RSAD2: variants seen among roughly 807,000 people sequenced by gnomAD.
The protein encoded by RSAD2 is S-adenosylmethionine-dependent nucleotide dehydratase RSAD2.
A neutral mutation model predicts 37.7 loss-of-function variants in RSAD2; 38 were observed. The observed-to-expected ratio is 1.01, with a 90% CI of 0.78 to 1.32. The LOEUF (loss-of-function observed/expected upper bound fraction) is 1.32, where lower values mean the gene tolerates loss of function less well. Among genes scored for constraint, RSAD2 ranks in the 40% most tolerant of loss-of-function variants. The probability of loss-of-function intolerance (pLI) is 0.00; values close to 1 mark genes in which losing one functional copy is unlikely to be tolerated. For synonymous variants in RSAD2, 163 were observed against 157.4 expected (o/e 1.04, Z -0.27); for missense variants, 428 against 437.5 (o/e 0.98, Z 0.19).
At chr2:6,895,625 G>A (rs1663758189) in intron 5 of RSAD2, among the ~76,000 whole-genome samples, 153 bp from the exon 6 acceptor site, 1 of 152,190 alleles carries the variant, frequency 6.6e-6, no homozygotes, top group African/African-American at 2.4e-5. Flanking sequence ...GTAGAGAGAT[G>A]GGGTCCAAGG....
At chr2:6,885,155 A>G (rs774643025) in intron 2 of RSAD2, among the ~76,000 whole-genome samples, 13 of 152,156 alleles carry the variant, frequency 8.5e-5, no homozygotes, top group Non-Finnish European at 1.6e-4. Flanking sequence ...GTAAAGACAT[A>G]TATCACCAGA....
intron 1 of RSAD2, among the ~76,000 whole-genome samples, chr2:6,871,008 T>A (rs1234628817): frequency 6.6e-6 from 1 of 152,040 alleles, no homozygotes; most frequent in Non-Finnish European, 1.5e-5. Context: ...TCCTTTAAAA[T>A]TCCAAAACTT....
Position 6,895,879 on chromosome 2 carries a change from G to A in RSAD2, c.1023G>A (p.Lys341=). The part of the protein sequence containing the change: ...EAIKFSGFDE[K]MFLKRGGKYI... ...TAAAATTCAGTGGATTTGATGAAAA[G>A]ATGTTTCTGAAGCGAGGAGGAAAAT... Residue 341 remains lysine (K), a synonymous_variant, in exon 6 of 6, where the codon AAG becomes AAA. Transcript: ENST00000382040. 6.2e-7 allele frequency: 1 copy of A among 1,614,182 alleles called. No homozygotes were observed. The highest frequency in any genetic ancestry group is 8.5e-7 in the Non-Finnish European group (1 of 1,180,012).
intron 5 of RSAD2, 97 bp downstream of exon 5, chr2:6,893,800 T>C (rs144659770): frequency 1.2e-6 from 1 of 818,086 alleles, no homozygotes; most frequent in East Asian, 2.6e-5. Context: ...CTAGTACCTA[T>C]TTGTCCTTCT....
chr2:6,898,150 T>G lies in RSAD2; in HGVS notation c.*2208T>G, dbSNP rs1211748048. On this transcript the variant is annotated 3_prime_UTR_variant, in exon 6 of 6. Coordinates refer to ENST00000382040, the MANE Select transcript of RSAD2 (RefSeq NM_080657.5). ...TTGAATCTTCTGAGTTGGAATGAAT[T>G]TTTTTCTAGCTGAGGGAAACTGTAT... is the stretch of plus-strand genomic sequence containing the variant. The G allele has an allele frequency of 2.6e-5, 4 of 152,164 alleles. No homozygotes were observed. The highest frequency in any genetic ancestry group is 5.9e-5 in the Non-Finnish European group (4 of 68,032). The allele number at this position is 152,164 out of a possible 1,614,324, so 9.4% of individuals were successfully genotyped here. A position where few individuals can be genotyped will look rare whatever the true frequency, so the allele number is the denominator to read the frequency against.
intron 1 of RSAD2, among the ~76,000 whole-genome samples, chr2:6,882,692 G>A (rs1279596641): frequency 1.3e-5 from 2 of 152,156 alleles, no homozygotes; most frequent in Admixed American, 6.5e-5. Flanking sequence ...AGATTCCTAG[G>A]ACACCCGGTC....
chr2:6,888,687 T>C (rs1035913384), intron 3 of RSAD2, among the ~76,000 whole-genome samples: 12 of 152,240 alleles, frequency 7.9e-5, no homozygotes, highest in African/African-American at 2.4e-4. Context: ...TGATTCACTG[T>C]AGATTTGCCA....
chr2:6,867,236 T>A (rs1385146095), intron 1 of RSAD2, among the ~76,000 whole-genome samples: 1 of 152,150 alleles, frequency 6.6e-6, no homozygotes, highest in African/African-American at 2.4e-5. Context: ...AATAGAAAAT[T>A]TGTTTTCTCA....
chr2:6,880,470 C>G (rs1001664430), intron 1 of RSAD2, among the ~76,000 whole-genome samples: 2 of 152,138 alleles, frequency 1.3e-5, no homozygotes, highest in African/African-American at 4.8e-5. Context: ...TGCAGGCATA[C>G]CCACCCTGAA....
chr2:6,893,052 G>A (rs73914420), intron 4 of RSAD2, among the ~76,000 whole-genome samples: 1,528 of 152,302 alleles, frequency 0.01, 20 homozygotes, highest in African/African-American at 0.035. Context: ...GTGACAGACT[G>A]TGTGGCCTGC....
At chr2:6,866,057 T>A (rs1263887702) in intron 1 of RSAD2, 2 of 298,758 alleles carry the variant, frequency 6.7e-6, no homozygotes, top group Non-Finnish European at 1.2e-5. Flanking sequence ...TAGCTCCGTG[T>A]GCGTTCTGCG....
chr2:6,895,172 G>A (rs1219208236), intron 5 of RSAD2, among the ~76,000 whole-genome samples: 1 of 152,222 alleles, frequency 6.6e-6, no homozygotes, highest in Non-Finnish European at 1.5e-5. Context: ...AAAACAAAGA[G>A]CCTTCGCAGG....
Position 6,895,812 on chromosome 2 carries a change from AC to A in RSAD2, c.959del (p.Pro320LeufsTer10). The A allele has an allele frequency of 1.2e-6, 2 of 1,614,090 alleles. No homozygotes were observed. The highest frequency in any genetic ancestry group is 1.7e-6 in the Non-Finnish European group (2 of 1,179,944). ...RFLNCRKGRK[D>X]PSKSILDVGV... Reference sequence around the variant, plus strand: ...CTGAACTGTAGAAAGGGACGGAAGGACCCTTCCAAGTCCATCCTGGATGTTG... The same window carrying A: ...CTGAACTGTAGAAAGGGACGGAAGGACCTTCCAAGTCCATCCTGGATGTTG... On this transcript the variant is annotated frameshift_variant, in exon 6 of 6. Transcript: ENST00000382040. LOFTEE classifies it high-confidence loss of function.
intron 1 of RSAD2, chr2:6,866,095 G>T: frequency 4.0e-6 from 1 of 248,774 alleles, no homozygotes. Flanking sequence ...ACCCTGGTTT[G>T]AGTTCCTCCT....
chr2:6,889,883 A>C (rs1663596538), intron 3 of RSAD2, among the ~76,000 whole-genome samples: 1 of 152,156 alleles, frequency 6.6e-6, no homozygotes, highest in Non-Finnish European at 1.5e-5. Context: ...TATAGTTTAT[A>C]TTTTTTCAAT....
intron 4 of RSAD2, among the ~76,000 whole-genome samples, chr2:6,891,064 G>C (rs1206457234): frequency 6.6e-6 from 1 of 151,900 alleles, no homozygotes; most frequent in Non-Finnish European, 1.5e-5. Flanking sequence ...AAAATTAAAA[G>C]TGAAATATGT....
At chr2:6,866,476 A>C in intron 1 of RSAD2, 1 of 985,282 alleles carries the variant, frequency 1.0e-6, no homozygotes, top group Non-Finnish European at 1.2e-6. Context: ...CCTTTTGCTG[A>C]CTCTCCAACT....
chr2:6,866,063 C>A, intron 1 of RSAD2: 1 of 284,926 alleles, frequency 3.5e-6, no homozygotes. Flanking sequence ...CGTGTGCGTT[C>A]TGCGGGTGGC....
chr2:6,868,504 G>A (rs1184532476), intron 1 of RSAD2, among the ~76,000 whole-genome samples: 1 of 152,148 alleles, frequency 6.6e-6, no homozygotes, highest in Non-Finnish European at 1.5e-5. Context: ...AATAAAATGA[G>A]CCCAGGATAG....
Sources: allele counts gnomAD v4.1 joint callset (sites outside exome capture counted in the v4.1 genomes callset), GRCh38; gene constraint gnomAD v4.1.1; transcripts MANE v1.5; gene names NCBI Gene and HGNC (gene_info 2026-07-23, HGNC 2026-07-21).